BACH2: variants seen among roughly 807,000 people sequenced by gnomAD.
BACH2 encodes the protein BACH transcriptional regulator 2.
A neutral mutation model predicts 61.8 loss-of-function variants in BACH2; 5 were observed. The ratio of observed to expected loss-of-function variants is 0.08; its 90% CI spans 0.04 to 0.17. The LOEUF (loss-of-function observed/expected upper bound fraction) is 0.17, where lower values mean the gene tolerates loss of function less well. BACH2 is among the 10% of genes least tolerant of loss of function. The pLI is 1.00. For synonymous variants in BACH2, 446 were observed against 440.1 expected (o/e 1.01, Z -0.17); for missense variants, 824 against 1,091.1 (o/e 0.76, Z 3.45).
intron 4 of BACH2, among the ~76,000 whole-genome samples, chr6:90,177,090 A>G (rs1768007022): frequency 6.6e-6 from 1 of 152,172 alleles, no homozygotes; most frequent in Non-Finnish European, 1.5e-5. Flanking sequence ...TTCTGAAAGG[A>G]AGAATCTTTG....
intron 1 of BACH2, among the ~76,000 whole-genome samples, chr6:90,294,617 T>G (rs1337149759): frequency 6.6e-6 from 1 of 152,036 alleles, no homozygotes; most frequent in East Asian, 1.9e-4. Context: ...TAAAGACTAA[T>G]TCTAACAAGA....
intron 3 of BACH2, among the ~76,000 whole-genome samples, chr6:90,209,633 C>A (rs1182714401): frequency 6.6e-6 from 1 of 152,116 alleles, no homozygotes; most frequent in African/African-American, 2.4e-5. Flanking sequence ...AATGTGGGCA[C>A]AAGAAGATAA....
intron 1 of BACH2, among the ~76,000 whole-genome samples, chr6:90,286,659 C>T (rs1390790012): frequency 6.6e-6 from 1 of 152,152 alleles, no homozygotes; most frequent in African/African-American, 2.4e-5. Context: ...CACAGTCTTC[C>T]AAGTGACACT....
At chr6:90,034,293 G>T (rs1208659724) in intron 5 of BACH2, among the ~76,000 whole-genome samples, 1 of 152,072 alleles carries the variant, frequency 6.6e-6, no homozygotes, top group Non-Finnish European at 1.5e-5. Context: ...TATGCCCATA[G>T]TCACTGCTTT....
intron 4 of BACH2, among the ~76,000 whole-genome samples, chr6:90,204,341 G>A (rs1292020400): frequency 6.6e-6 from 1 of 152,136 alleles, no homozygotes; most frequent in Admixed American, 6.5e-5. Context: ...CATAATTGAG[G>A]AGGAGATTCT....
At chr6:90,084,273 T>C (rs1478182412) in intron 5 of BACH2, among the ~76,000 whole-genome samples, 2 of 151,980 alleles carry the variant, frequency 1.3e-5, no homozygotes, top group Non-Finnish European at 2.9e-5. Flanking sequence ...CTAGGGTCTG[T>C]CTTTGTTGGT....
Position 89,950,969 on chromosome 6 carries a change from A to G in BACH2, c.1137T>C (p.Gly379=), listed in dbSNP as rs763232219. The G allele has an allele frequency of 6.4e-7, 1 of 1,572,632 alleles. No homozygotes were observed. Among genetic ancestry groups the G allele is most frequent in the Admixed American group, 1.8e-5 (1 of 55,334 alleles). The change falls in exon 7 of 9, where the codon GGT becomes GGC. Residue 379 remains glycine (G), a synonymous_variant. Coordinates refer to ENST00000257749, the MANE Select transcript of BACH2 (RefSeq NM_021813.4). This position sits in a 1 kb window ranked among gnomAD's most constrained non-coding sequence, Gnocchi z 5.3. ...AAGGGGTGTAGTCAGTTTTAAGGTC[A>G]CCCTGAGTGATCCCCTTGTCAAAAG... ...ACPFDKGITQ[G]DLKTDYTPFT...
intron 2 of BACH2, among the ~76,000 whole-genome samples, chr6:90,258,082 A>C (rs1246227500): frequency 6.6e-6 from 1 of 152,050 alleles, no homozygotes; most frequent in Non-Finnish European, 1.5e-5. Flanking sequence ...GCCCCCATTT[A>C]TTTAATTTTG....
chr6:90,235,189 C>T (rs555657949), intron 3 of BACH2, among the ~76,000 whole-genome samples: 87 of 152,296 alleles, frequency 5.7e-4, no homozygotes, highest in African/African-American at 2.0e-3. Context: ...ACAAAGCAAA[C>T]ACAAGAAATG....
At chr6:90,287,591 A>G (rs1301222217) in intron 1 of BACH2, among the ~76,000 whole-genome samples, 1 of 152,198 alleles carries the variant, frequency 6.6e-6, no homozygotes, top group Non-Finnish European at 1.5e-5. Context: ...CAAATGTATT[A>G]TTAAAAATAA....
intron 5 of BACH2, among the ~76,000 whole-genome samples, chr6:90,022,187 T>C (rs1778410412): frequency 6.6e-6 from 1 of 152,256 alleles, no homozygotes; most frequent in Non-Finnish European, 1.5e-5. Flanking sequence ...TTATTGCTGC[T>C]TGTTTATTCT....
chr6:90,242,408 T>G (rs1420489277), intron 3 of BACH2, among the ~76,000 whole-genome samples: 1 of 152,252 alleles, frequency 6.6e-6, no homozygotes, highest in African/African-American at 2.4e-5. Context: ...TGTCTTTCTG[T>G]GGCTTCATTG....
intron 4 of BACH2, among the ~76,000 whole-genome samples, chr6:90,189,056 A>T (rs1255910119): frequency 6.6e-6 from 1 of 152,220 alleles, no homozygotes; most frequent in East Asian, 1.9e-4. Flanking sequence ...AGAGAGAGTA[A>T]ATGGCTGTGA....
intron 5 of BACH2, among the ~76,000 whole-genome samples, chr6:90,025,973 T>G (rs1186522523): frequency 6.6e-6 from 1 of 152,178 alleles, no homozygotes; most frequent in Non-Finnish European, 1.5e-5. Context: ...TTGTACCTAG[T>G]GCACAGTTCA....
At chr6:89,970,730 G>C (rs367925547) in intron 6 of BACH2, among the ~76,000 whole-genome samples, 7 of 152,212 alleles carry the variant, frequency 4.6e-5, no homozygotes, top group African/African-American at 1.7e-4. Context: ...AAGCACTGCC[G>C]AGCTGGCTGG....
chr6:90,242,590 G>C (rs1203450677), intron 3 of BACH2, among the ~76,000 whole-genome samples: 1 of 152,152 alleles, frequency 6.6e-6, no homozygotes, highest in Non-Finnish European at 1.5e-5. Flanking sequence ...CAACTCATTT[G>C]GGTAAACATC....
At chr6:90,099,292 C>T (rs1180736101) in intron 4 of BACH2, among the ~76,000 whole-genome samples, 1 of 152,164 alleles carries the variant, frequency 6.6e-6, no homozygotes, top group Non-Finnish European at 1.5e-5. Context: ...AGGTCTAGTC[C>T]CAACATAGCT....
chr6:90,023,041 G>C (rs760161523), intron 5 of BACH2, among the ~76,000 whole-genome samples: 2 of 152,176 alleles, frequency 1.3e-5, no homozygotes, highest in South Asian at 4.1e-4. Context: ...AAGCAAATTA[G>C]AGCCACATGC....
At chr6:90,274,766 T>C (rs1222125805) in intron 1 of BACH2, among the ~76,000 whole-genome samples, 1 of 152,256 alleles carries the variant, frequency 6.6e-6, no homozygotes, top group African/African-American at 2.4e-5. Context: ...ATTCTGTCAT[T>C]GAGACCTGAT....
Sources: gnomAD v4.1 joint callset for allele counts (sites outside exome capture counted in the v4.1 genomes callset) on GRCh38, gnomAD v4.1.1 for gene constraint, Gnocchi (gnomAD v3.1) non-coding constraint, MANE v1.5 for transcripts, NCBI Gene and HGNC (gene_info 2026-07-23, HGNC 2026-07-21) for gene names.